Variants in MEGF8 observed in about 807,000 individuals in gnomAD.
The protein encoded by MEGF8 is multiple EGF like domains 8.
A neutral mutation model predicts 302.9 loss-of-function variants in MEGF8; 156 were observed. That is an observed-to-expected ratio of 0.52 (90% CI 0.45 to 0.59). The LOEUF is 0.59. Ranked by LOEUF, MEGF8 falls within the 20% of genes least tolerant of loss-of-function variation. The pLI is 0.00. For synonymous variants in MEGF8, 1,621 were observed against 1,660.5 expected (o/e 0.98, Z 0.58); for missense variants, 3,345 against 3,964.5 (o/e 0.84, Z 4.20).
chr19:42,333,518 G>C, intron 1 of MEGF8, 87 bp from the exon 2 acceptor site: 1 of 1,411,724 alleles, frequency 7.1e-7, no homozygotes, highest in South Asian at 1.3e-5. Context: ...CCTGGATCAG[G>C]GTTTGGTGTA....
chr19:42,348,506 A>T (rs914301475), intron 13 of MEGF8, 34 bp downstream of exon 13: 5 of 1,483,990 alleles, frequency 3.4e-6, no homozygotes, highest in Non-Finnish European at 4.5e-6. Flanking sequence ...GGGGTTGTTT[A>T]TGGTAAATAG....
intron 12 of MEGF8, among the ~76,000 whole-genome samples, chr19:42,347,515 G>C (rs140442564): frequency 2.6e-5 from 4 of 151,368 alleles, no homozygotes; most frequent in Non-Finnish European, 2.9e-5. Context: ...GTTTTGAGAC[G>C]GAGTTTTGCT....
In MEGF8 at chr19:42,351,464, G is replaced by A. The variant is rs1167245424; in HGVS notation, c.2891G>A (p.Ser964Asn). 1.1e-5 allele frequency: 18 copies of A among 1,600,764 alleles called. No homozygotes were observed. Among genetic ancestry groups the A allele is most frequent in the African/African-American group, 4.0e-5 (3 of 74,652 alleles). ...LTCEDCLANS[S>N]QCAWCQSTHT... is the part of the protein sequence containing the mutation. ...TGTGAGGACTGCCTGGCCAACTCTA[G>A]CCAGTGCGCCTGGTGCCAGTCCACC... The change falls in exon 17 of 42, where the codon AGC (serine) becomes AAC (asparagine). Residue 964 changes from serine to asparagine, a missense_variant. Coordinates refer to ENST00000251268, the MANE Select transcript of MEGF8 (RefSeq NM_001271938.2). The surrounding 1 kb of genome is among the most constrained non-coding windows in gnomAD (Gnocchi z 5.6).
At chr19:42,347,276 G>T (rs1416744192) in intron 12 of MEGF8, among the ~76,000 whole-genome samples, 1 of 150,116 alleles carries the variant, frequency 6.7e-6, no homozygotes, top group East Asian at 2.0e-4. Context: ...TTTCTTCCTG[G>T]CAAGCTTCCC....
chr19:42,354,085 C>T lies in MEGF8; in HGVS notation c.4011+61C>T, dbSNP rs1034618830. On this transcript the variant is annotated intron_variant, in intron 22 of 41. Transcript: ENST00000251268. The surrounding 1 kb of genome is among the most constrained non-coding windows in gnomAD (Gnocchi z 4.3). ...GCCAGAACCGTGTCCCCTGACCCAG[C>T]CTGCATCCTCAGACCCTGACCCTAG... The T allele has an allele frequency of 4.6e-6, 7 of 1,521,918 alleles. No individual in the cohort carries two copies. Among genetic ancestry groups the T allele is most frequent in the African/African-American group, 1.4e-5 (1 of 72,416 alleles). 94.3% of individuals were successfully genotyped at this position (1,521,918 alleles called of 1,614,324 possible).
chr19:42,341,952 C>A (rs1167780597), intron 8 of MEGF8, among the ~76,000 whole-genome samples: 1 of 152,180 alleles, frequency 6.6e-6, no homozygotes, highest in African/African-American at 2.4e-5. Flanking sequence ...AGAGTCGCAT[C>A]TGTTCACTCC....
chr19:42,358,450 T>TC lies in MEGF8; in HGVS notation c.5175+148dup. The TC allele has an allele frequency of 9.1e-7, 1 of 1,093,476 alleles. No individual in the cohort carries two copies. Among genetic ancestry groups the TC allele is most frequent in the Non-Finnish European group, 1.3e-6 (1 of 792,312 alleles). The allele number at this position is 1,093,476 out of a possible 1,614,324, so 67.7% of individuals were successfully genotyped here. On this transcript the variant is annotated intron_variant, in intron 29 of 41. Transcript: ENST00000251268. The surrounding 1 kb of genome is among the most constrained non-coding windows in gnomAD (Gnocchi z 4.4). Reference sequence around the variant, plus strand: ...CCTAACTAAGCGACACCCCCACATCTCCCCCGCTTCCATCCCTGATTTGGA... The same window carrying TC: ...CCTAACTAAGCGACACCCCCACATCTCCCCCCGCTTCCATCCCTGATTTGGA...
chr19:42,360,557 C>T lies in MEGF8; in HGVS notation c.5489-218C>T, dbSNP rs531971543. Among the ~76,000 whole-genome samples the T allele has an allele frequency of 3.9e-5, 6 of 152,242 alleles. No homozygotes were observed. The East Asian group carries it at 1.2e-3, about 29-fold the overall frequency. On this transcript the variant is annotated intron_variant, in intron 31 of 41. Coordinates refer to ENST00000251268, the MANE Select transcript of MEGF8 (RefSeq NM_001271938.2). ...ACGGGGTCTTTCTACGTTGCCCAGG[C>T]TGGTCTTAAACTCCTGGGCTCAAGC...
chr19:42,334,024 C>T lies in MEGF8; in HGVS notation c.369C>T (p.Phe123=). 1.9e-6 allele frequency: 3 copies of T among 1,613,728 alleles called. No individual in the cohort carries two copies. Among genetic ancestry groups the T allele is most frequent in the Admixed American group, 1.7e-5 (1 of 59,982 alleles). Residue 123 remains phenylalanine (F), a synonymous_variant, in exon 3 of 42, where the codon TTC becomes TTT. Coordinates refer to ENST00000251268, the MANE Select transcript of MEGF8 (RefSeq NM_001271938.2). ...ASSGKMLLHL[F]SDANYNLLGF... is the part of the protein sequence containing the mutation. ...GCCCGCAGATGCTGCTGCACCTCTT[C>T]AGTGATGCCAACTACAACCTGCTGG...
Position 42,368,941 on chromosome 19 carries a change from A to G in MEGF8, c.6580A>G (p.Asn2194Asp). The G allele has an allele frequency of 6.2e-7, 1 of 1,613,908 alleles. No individual in the cohort carries two copies. The highest frequency in any genetic ancestry group is 8.5e-7 in the Non-Finnish European group (1 of 1,179,896). Residue 2194 changes from asparagine to aspartate, a missense_variant, in exon 37 of 42, where the codon AAT becomes GAT. By Grantham distance (23) the Asn-to-Asp change is conservative. Transcript: ENST00000251268. The surrounding 1 kb of genome is among the most constrained non-coding windows in gnomAD (Gnocchi z 4.9). ...GCACCACGACTGCAACGAGACGCAGAATTGCCACGACCAGCCCCACGGCTA... is the reference window on the plus strand; with the variant it reads ...GCACCACGACTGCAACGAGACGCAGGATTGCCACGACCAGCCCCACGGCTA... ...NGHHDCNETQ[N>D]CHDQPHGYEC...
intron 33 of MEGF8, 42 bp from the exon 34 acceptor site, chr19:42,362,342 A>T: frequency 6.2e-7 from 1 of 1,612,530 alleles, no homozygotes; most frequent in Non-Finnish European, 8.5e-7. Flanking sequence ...CTGGCTCAGG[A>T]GGGGTGCTGA....
At position 42,336,390 on chromosome 19, in the gene MEGF8, A is replaced by G. The variant is rs755588515; in HGVS notation, c.1244+44A>G. The G allele has an allele frequency of 6.5e-7, 1 of 1,527,486 alleles. No individual in the cohort carries two copies. The highest frequency in any genetic ancestry group is 1.2e-5 in the South Asian group (1 of 80,152). 94.6% of individuals were successfully genotyped at this position (1,527,486 alleles called of 1,614,324 possible). The stretch of plus-strand genomic sequence containing the variant: ...AACCCATGCTCCACAGGCCAGGCCC[A>G]GCTCAACACCATAGGCCTTTAGTCT... On this transcript the variant is annotated intron_variant, in intron 6 of 41. Coordinates refer to ENST00000251268, the MANE Select transcript of MEGF8 (RefSeq NM_001271938.2). This position sits in a 1 kb window ranked among gnomAD's most constrained non-coding sequence, Gnocchi z 4.8.
At chr19:42,329,936 A>G (rs2039034516) in intron 1 of MEGF8, among the ~76,000 whole-genome samples, 2 of 151,048 alleles carry the variant, frequency 1.3e-5, no homozygotes, top group African/African-American at 2.4e-5. Context: ...TTCATACTTT[A>G]TCTAGTCCTA....
At chr19:42,341,972 A>G (rs1211275453) in intron 8 of MEGF8, among the ~76,000 whole-genome samples, 1 of 152,170 alleles carries the variant, frequency 6.6e-6, no homozygotes, top group Non-Finnish European at 1.5e-5. Flanking sequence ...CTCCTCCCTG[A>G]AAAGGAGAGA....
At position 42,377,092 on chromosome 19, in the gene MEGF8, G is replaced by T. The variant is rs2039780303; in HGVS notation, c.*317G>T. 1 of 336,694 alleles carries T rather than the reference G, an allele frequency of 3.0e-6. No homozygotes were observed. Among genetic ancestry groups the T allele is most frequent in the Non-Finnish European group, 5.4e-6 (1 of 185,946 alleles). The allele number at this position is 336,694 out of a possible 1,614,324, so 20.9% of individuals were successfully genotyped here. On this transcript the variant is annotated 3_prime_UTR_variant, in exon 42 of 42. Coordinates refer to ENST00000251268, the MANE Select transcript of MEGF8 (RefSeq NM_001271938.2). ...ACACACCCCACACGCATACACACAT[G>T]AACACATGCACATGTGCACACACAA...
intron 12 of MEGF8, among the ~76,000 whole-genome samples, chr19:42,345,508 C>T (rs1006168435): frequency 6.6e-6 from 1 of 152,210 alleles, no homozygotes; most frequent in Non-Finnish European, 1.5e-5. Flanking sequence ...TTTGCCAGTT[C>T]TGGACATTTC....
At position 42,335,017 on chromosome 19, in the gene MEGF8, A is replaced by AT. The variant is rs1194837601; in HGVS notation, c.559-17dup. The AT allele has an allele frequency of 1.3e-6, 2 of 1,593,206 alleles. No homozygotes were observed. The highest frequency in any genetic ancestry group is 8.5e-7 in the Non-Finnish European group (1 of 1,170,976). On this transcript the variant is annotated splice_polypyrimidine_tract_variant and intron_variant, in intron 3 of 41. Coordinates refer to ENST00000251268, the MANE Select transcript of MEGF8 (RefSeq NM_001271938.2). The stretch of plus-strand genomic sequence containing the variant: ...CTCTCCCTCTCTTATCTCTGCCTTT[A>AT]TGTCTCCTTTCCCGCAGCCCCTGGG...
chr19:42,354,795 G>A lies in MEGF8; in HGVS notation c.4144+75G>A. The A allele has an allele frequency of 6.7e-7, 1 of 1,486,586 alleles. No homozygotes were observed. Among genetic ancestry groups the A allele is most frequent in the Non-Finnish European group, 9.0e-7 (1 of 1,109,842 alleles). The allele number at this position is 1,486,586 out of a possible 1,614,324, so 92.1% of individuals were successfully genotyped here. On this transcript the variant is annotated intron_variant, in intron 23 of 41. Coordinates refer to ENST00000251268, the MANE Select transcript of MEGF8 (RefSeq NM_001271938.2). This position sits in a 1 kb window ranked among gnomAD's most constrained non-coding sequence, Gnocchi z 4.3. Reference sequence around the variant, plus strand: ...CTTGCCCCTGAACTCACCACCTGAAGTGGGCTCAGGACCCAGCTCTGCCGC... The same window carrying A: ...CTTGCCCCTGAACTCACCACCTGAAATGGGCTCAGGACCCAGCTCTGCCGC...
chr19:42,351,783 G>A lies in MEGF8; in HGVS notation c.3101+22G>A. ...GACGGTGAGCCCGGGCAGGTGGGTG[G>A]GCAGGGTGCCCGGCTGTGTCCTTCC... On this transcript the variant is annotated intron_variant, in intron 18 of 41. Coordinates refer to ENST00000251268, the MANE Select transcript of MEGF8 (RefSeq NM_001271938.2). This position sits in a 1 kb window ranked among gnomAD's most constrained non-coding sequence, Gnocchi z 5.6. 5 of 1,550,556 alleles carry A rather than the reference G, an allele frequency of 3.2e-6. No homozygotes were observed. Among genetic ancestry groups the A allele is most frequent in the Non-Finnish European group, 4.4e-6 (5 of 1,144,852 alleles).
Sources: gnomAD v4.1 joint callset for allele counts (sites outside exome capture counted in the v4.1 genomes callset) on GRCh38, gnomAD v4.1.1 for gene constraint, Gnocchi (gnomAD v3.1) non-coding constraint, MANE v1.5 for transcripts, NCBI Gene and HGNC (gene_info 2026-07-23, HGNC 2026-07-21) for gene names.